The following XPNPEP3 variants were observed in gnomAD, a reference collection of about 807,000 sequenced individuals.
XPNPEP3 encodes X-prolyl aminopeptidase 3.
A neutral mutation model predicts 60.0 loss-of-function variants in XPNPEP3; 41 were observed. The ratio of observed to expected loss-of-function variants is 0.68; its 90% confidence interval spans 0.53 to 0.89. The LOEUF is 0.89. XPNPEP3 is among the 40% of genes least tolerant of loss of function. XPNPEP3 has a pLI of 0.00. For missense variants in XPNPEP3, 598 were observed against 638.9 expected, an observed-to-expected ratio of 0.94 and a Z score of 0.69; for synonymous variants, 212 against 223.2, an observed-to-expected ratio of 0.95 and a Z score of 0.45.
Position 40,896,659 on chromosome 22 carries a change from A to G in XPNPEP3, c.792+10144A>G, listed in dbSNP as rs115101929. ...AAAAAAAAAATTTACCATTTTAGCC[A>G]TTTTTAAGTGTATGTCTTAAAAATG... On this transcript the variant is annotated intron_variant, in intron 4 of 9. Coordinates refer to ENST00000357137, the MANE Select transcript of XPNPEP3 (RefSeq NM_022098.4). 8.5e-3 allele frequency among the ~76,000 whole-genome samples: 1,293 copies of G among 152,250 alleles called. 19 individuals carry two copies. The highest frequency in any genetic ancestry group is 0.03 in the African/African-American group (1,254 of 41,564).
intron 4 of XPNPEP3, among the ~76,000 whole-genome samples, chr22:40,901,172 A>G (rs139925): frequency 1.3e-5 from 2 of 152,010 alleles, no homozygotes; most frequent in Non-Finnish European, 2.9e-5. Context: ...AAAAAACGGA[A>G]TGAGAGAAAA....
intron 6 of XPNPEP3, among the ~76,000 whole-genome samples, chr22:40,911,228 A>G (rs2058175956): frequency 6.6e-6 from 1 of 151,926 alleles, no homozygotes; most frequent in Non-Finnish European, 1.5e-5. Context: ...ATTGAGCATC[A>G]TTTCTTATCT....
At chr22:40,886,278 T>C (rs769577762) in intron 3 of XPNPEP3, 35 bp from the exon 4 acceptor site, 187 of 1,596,498 alleles carry the variant, frequency 1.2e-4, no homozygotes, top group Non-Finnish European at 1.5e-4. Context: ...CTGGTAGTTT[T>C]GTTTTAAATT....
chr22:40,868,899 A>AT, intron 1 of XPNPEP3, 100 bp from the exon 2 acceptor site: 1 of 956,612 alleles, frequency 1.0e-6, no homozygotes, highest in Non-Finnish European at 1.7e-6. Context: ...ATTAGTTTGC[A>AT]TTTTTCTAAA....
chr22:40,911,609 G>A (rs897986731), intron 6 of XPNPEP3, among the ~76,000 whole-genome samples: 2 of 149,472 alleles, frequency 1.3e-5, no homozygotes, highest in African/African-American at 4.9e-5. Flanking sequence ...GTACAGTCTC[G>A]GCTCACTGCA....
chr22:40,905,649 C>T (rs2058151866), intron 4 of XPNPEP3, among the ~76,000 whole-genome samples: 1 of 152,068 alleles, frequency 6.6e-6, no homozygotes. Context: ...TCGGGAAGGG[C>T]CTCTATGAGG....
chr22:40,908,860 AAG>A (rs960414395), intron 5 of XPNPEP3, among the ~76,000 whole-genome samples: 2 of 152,336 alleles, frequency 1.3e-5, no homozygotes, highest in Admixed American at 1.3e-4. Context: ...CTAAAGAAAA[AAG>A]AACAGATTTA....
chr22:40,868,152 C>T (rs1207521340), intron 1 of XPNPEP3, among the ~76,000 whole-genome samples: 1 of 152,126 alleles, frequency 6.6e-6, no homozygotes, highest in Non-Finnish European at 1.5e-5. Flanking sequence ...TAATAACTAA[C>T]ATTTGTTGTA....
At chr22:40,923,148 C>T (rs576124966) in intron 8 of XPNPEP3, among the ~76,000 whole-genome samples, 6 of 151,290 alleles carry the variant, frequency 4.0e-5, no homozygotes, top group Admixed American at 1.3e-4. Flanking sequence ...AGAAGTTCAA[C>T]GCTGCAGTGA....
intron 9 of XPNPEP3, 140 bp downstream of exon 9, chr22:40,924,622 C>T: frequency 1.6e-6 from 2 of 1,255,258 alleles, no homozygotes; most frequent in Non-Finnish European, 2.3e-6. Context: ...CCCCCAGGTT[C>T]AGCAATTCTC....
rs751109601 is a variant in XPNPEP3, at chr22:40,882,033, G to A, written c.445G>A (p.Ala149Thr). 5.0e-6 allele frequency: 8 copies of A among 1,614,096 alleles called. No homozygotes were observed. In the East Asian group the frequency reaches 1.6e-4, roughly 31 times the overall value. Reference protein sequence around the residue: ...LPGKQLPSHKAILFVPRRDPS... With the variant: ...LPGKQLPSHKTILFVPRRDPS... ...TGGCAAACAATTACCATCACACAAAGCCATACTTTTTGTGCCTCGGCGAGA... is the reference window on the plus strand; with the variant it reads ...TGGCAAACAATTACCATCACACAAAACCATACTTTTTGTGCCTCGGCGAGA... Residue 149 changes from alanine to threonine, a missense_variant, in exon 3 of 10, where the codon GCC (alanine) becomes ACC (threonine). By Grantham distance (58) the Ala-to-Thr change is moderately conservative. Transcript: ENST00000357137.
In XPNPEP3 at chr22:40,927,668, A is replaced by G. The variant is rs1256399522; in HGVS notation, c.*1233A>G. ...GGTGGGCGGATCACGAGGTCAGGAGATTGAGACCTCCTGGCTAACACGGTG... is the reference window on the plus strand; with the variant it reads ...GGTGGGCGGATCACGAGGTCAGGAGGTTGAGACCTCCTGGCTAACACGGTG... On this transcript the variant is annotated 3_prime_UTR_variant, in exon 10 of 10. Transcript: ENST00000357137. 6.6e-6 allele frequency: 1 copy of G among 151,964 alleles called. No homozygotes were observed. The highest frequency in any genetic ancestry group is 1.9e-4 in the East Asian group (1 of 5,168). 9.4% of individuals were successfully genotyped at this position (151,964 alleles called of 1,614,324 possible).
chr22:40,868,898 C>A (rs1157511674), intron 1 of XPNPEP3, 101 bp from the exon 2 acceptor site: 2 of 933,870 alleles, frequency 2.1e-6, no homozygotes, highest in Non-Finnish European at 3.5e-6. Context: ...TATTAGTTTG[C>A]ATTTTTCTAA....
chr22:40,911,963 TAACAC>T (rs1224747772), intron 6 of XPNPEP3, among the ~76,000 whole-genome samples: 10 of 152,192 alleles, frequency 6.6e-5, no homozygotes, highest in Non-Finnish European at 1.5e-4. Flanking sequence ...TTTATGATGA[TAACAC>T]AAAAGACTGA....
intron 9 of XPNPEP3, among the ~76,000 whole-genome samples, chr22:40,925,853 G>C (rs1569034255): frequency 6.6e-6 from 1 of 151,928 alleles, no homozygotes; most frequent in Non-Finnish European, 1.5e-5. Context: ...CTTTATTTTT[G>C]CAAGGTGCTC....
intron 9 of XPNPEP3, 132 bp downstream of exon 9, chr22:40,924,614 C>G (rs917286438): frequency 1.5e-6 from 2 of 1,341,458 alleles, no homozygotes; most frequent in African/African-American, 2.9e-5. Flanking sequence ...ACCTCCGCCC[C>G]CCAGGTTCAG....
intron 4 of XPNPEP3, among the ~76,000 whole-genome samples, chr22:40,900,924 C>A (rs930187544): frequency 6.6e-6 from 1 of 151,828 alleles, no homozygotes; most frequent in Non-Finnish European, 1.5e-5. Context: ...CAGAGTGAGA[C>A]CCTGTCTCAA....
At chr22:40,881,565 G>T (rs1361420378) in intron 2 of XPNPEP3, among the ~76,000 whole-genome samples, 3 of 152,136 alleles carry the variant, frequency 2.0e-5, no homozygotes, top group African/African-American at 7.2e-5. Context: ...TTCAGGCGGG[G>T]CCACATTCAA....
intron 8 of XPNPEP3, among the ~76,000 whole-genome samples, chr22:40,923,137 C>T (rs901382207): frequency 6.6e-6 from 1 of 151,684 alleles, no homozygotes; most frequent in Admixed American, 6.6e-5. Flanking sequence ...CACTTGACCC[C>T]AGAAGTTCAA....
Sources: allele counts gnomAD v4.1 joint callset (sites outside exome capture counted in the v4.1 genomes callset), GRCh38; gene constraint gnomAD v4.1.1; transcripts MANE v1.5; gene names NCBI Gene and HGNC (gene_info 2026-07-23, HGNC 2026-07-21).